The following TMF1 variants were observed in gnomAD, a reference collection of about 807,000 sequenced individuals.
The protein encoded by TMF1 is TATA element modulatory factor.
A neutral mutation model predicts 126.5 loss-of-function variants in TMF1; 71 were observed. The ratio of observed to expected loss-of-function variants is 0.56; its 90% confidence interval spans 0.46 to 0.68. TMF1 has a LOEUF of 0.68. Ranked by LOEUF, TMF1 falls within the 30% of genes least tolerant of loss-of-function variation. The probability of loss-of-function intolerance (pLI) is 0.00; values close to 1 mark genes in which losing one functional copy is unlikely to be tolerated. For synonymous variants in TMF1, 461 were observed against 430.5 expected (o/e 1.07, Z -0.88); for missense variants, 1,259 against 1,253.2 (o/e 1.00, Z -0.07).
At chr3:69,041,760 A>C (rs2091866239) in intron 5 of TMF1, among the ~76,000 whole-genome samples, 1 of 152,146 alleles carries the variant, frequency 6.6e-6, no homozygotes, top group Non-Finnish European at 1.5e-5. Flanking sequence ...ACTAGAAAAA[A>C]TTAATAGTTC....
chr3:69,031,399 T>C (rs2091801713), intron 10 of TMF1, among the ~76,000 whole-genome samples: 1 of 151,212 alleles, frequency 6.6e-6, no homozygotes, highest in Non-Finnish European at 1.5e-5. Flanking sequence ...ATATGTGGTA[T>C]AGTTGTTTAG....
intron 5 of TMF1, 74 bp from the exon 6 acceptor site, chr3:69,039,767 T>C (rs1026024043): frequency 7.4e-6 from 11 of 1,492,534 alleles, no homozygotes; most frequent in East Asian, 2.3e-5. Context: ...TTTTATCTAA[T>C]AGTAACATAA....
chr3:69,029,044 T>TTA (rs1553679140), intron 11 of TMF1, among the ~76,000 whole-genome samples: 2 of 149,002 alleles, frequency 1.3e-5, no homozygotes, highest in African/African-American at 4.9e-5. Flanking sequence ...CTTTATTTAT[T>TTA]TTTTTTTTTT....
At chr3:69,034,986 C>T in intron 9 of TMF1, 37 bp downstream of exon 9, 2 of 1,533,458 alleles carry the variant, frequency 1.3e-6, no homozygotes, top group Non-Finnish European at 1.8e-6. Flanking sequence ...AAAACACATA[C>T]TTCTTGGATT....
chr3:69,024,292 A>G, intron 15 of TMF1, 112 bp from the exon 16 acceptor site: 1 of 929,180 alleles, frequency 1.1e-6, no homozygotes, highest in Non-Finnish European at 1.5e-6. Flanking sequence ...TTTGAAATAG[A>G]CATGTCAACA....
chr3:69,042,939 C>T (rs1335912445), intron 4 of TMF1, 27 bp from the exon 5 acceptor site: 10 of 1,485,868 alleles, frequency 6.7e-6, no homozygotes, highest in Admixed American at 1.7e-5. Flanking sequence ...CTGTGAATAC[C>T]GTAAAGAATG....
At chr3:69,046,363 G>T (rs2091896089) in intron 2 of TMF1, among the ~76,000 whole-genome samples, 2 of 152,094 alleles carry the variant, frequency 1.3e-5, no homozygotes, top group African/African-American at 4.8e-5. Context: ...TAAATACACT[G>T]AAATTCAAAA....
At chr3:69,045,538 G>T (rs1268170855) in intron 2 of TMF1, among the ~76,000 whole-genome samples, 2 of 152,094 alleles carry the variant, frequency 1.3e-5, no homozygotes, top group East Asian at 3.9e-4. Flanking sequence ...CCAGCACTTT[G>T]GTAGGCTGAG....
Position 69,025,461 on chromosome 3 carries a change from T to C in TMF1, c.3012+99A>G. 2.5e-6 allele frequency: 3 copies of C among 1,210,370 alleles called. 1 individual carries two copies. The South Asian group carries it at 4.7e-5, about 19-fold the overall frequency. The allele number at this position is 1,210,370 out of a possible 1,614,324, so 75.0% of individuals were successfully genotyped here. On this transcript the variant is annotated intron_variant, in intron 15 of 16. Transcript: ENST00000398559. ...CTTCACATGCCACTATGTCATCTTG[T>C]TTCTCAATTTGCTCAGAATTCAGAT...
Position 69,042,540 on chromosome 3 carries a change from G to C in TMF1, c.1684+267C>G, listed in dbSNP as rs1479494962. 7.1e-6 allele frequency: 4 copies of C among 566,694 alleles called. No homozygotes were observed. In the East Asian group the frequency reaches 1.7e-4, roughly 24 times the overall value. 35.1% of individuals were successfully genotyped at this position (566,694 alleles called of 1,614,324 possible). On this transcript the variant is annotated intron_variant, in intron 5 of 16. Transcript: ENST00000398559. ...GACAGGCTCTTAAGACCTGTTTAAA[G>C]TTTTCTTAGGGCAGCACAAATTTCT... is the stretch of plus-strand genomic sequence containing the variant.
At chr3:69,038,136 AT>A (rs2091842842) in intron 8 of TMF1, among the ~76,000 whole-genome samples, 1 of 152,214 alleles carries the variant, frequency 6.6e-6, no homozygotes, top group Admixed American at 6.5e-5. Context: ...CAAAGTATAA[AT>A]AACCCATATG....
At chr3:69,037,926 G>A (rs62254236) in intron 8 of TMF1, among the ~76,000 whole-genome samples, 1 of 152,002 alleles carries the variant, frequency 6.6e-6, no homozygotes, top group Admixed American at 6.5e-5. Flanking sequence ...CAAGGATGTG[G>A]AGAAACTGAA....
rs369248756 is a variant in TMF1 at position 69,047,415 on chromosome 3, C to A, written c.1290G>T (p.Gln430His). The change falls in exon 2 of 17, where the codon CAG (glutamine) becomes CAT (histidine). Residue 430 changes from glutamine to histidine, a missense_variant. Physicochemically the swap from Gln to His is conservative, Grantham distance 24. Transcript: ENST00000398559. ...GQTVLDKVAE[Q>H]CEPAESQPEA... The stretch of plus-strand genomic sequence containing the variant: ...CTGGCTGACTTTCAGCAGGTTCACA[C>A]TGCTCAGCCACCTTGTCTAACACAG... 2 of 1,613,728 alleles carry A rather than the reference C, an allele frequency of 1.2e-6. No individual in the cohort carries two copies. The highest frequency in any genetic ancestry group is 1.7e-6 in the Non-Finnish European group (2 of 1,179,778).
rs1260259847 is a variant in TMF1 at position 69,048,203 on chromosome 3, T to A, written c.502A>T (p.Thr168Ser). ...CVSGETLAAG[T>S]SSPKTEGKHE... ...TTGCCTTCAGTTTTAGGTGATGAAGTACCTGCTGCCAGAGTTTCCCCTGAA... is the reference window on the plus strand; with the variant it reads ...TTGCCTTCAGTTTTAGGTGATGAAGAACCTGCTGCCAGAGTTTCCCCTGAA... The change falls in exon 2 of 17, where the codon ACT (threonine) becomes TCT (serine). Residue 168 changes from threonine (T) to serine (S), a missense_variant. Transcript: ENST00000398559. The A allele has an allele frequency of 6.2e-7, 1 of 1,614,114 alleles. No homozygotes were observed. Among genetic ancestry groups the A allele is most frequent in the Non-Finnish European group, 8.5e-7 (1 of 1,180,036 alleles).
Position 69,048,513 on chromosome 3 carries a change from C to T in TMF1, c.192G>A (p.Leu64=), listed in dbSNP as rs2091909185. The change falls in exon 2 of 17, where the codon TTG becomes TTA. Residue 64 remains leucine (L), a synonymous_variant. Coordinates refer to ENST00000398559, the MANE Select transcript of TMF1 (RefSeq NM_007114.3). Reference sequence around the variant, plus strand: ...GACTCTGAGGTTCAGTGTTTGATTTCAACCCCCAGGTTGAAGTATCCCATC... The same window carrying T: ...GACTCTGAGGTTCAGTGTTTGATTTTAACCCCCAGGTTGAAGTATCCCATC... ...SGGWDTSTWG[L]KSNTEPQSPP... is the part of the protein sequence containing the mutation. 6.2e-7 allele frequency: 1 copy of T among 1,613,552 alleles called. No individual in the cohort carries two copies. Among genetic ancestry groups the T allele is most frequent in the African/African-American group, 1.3e-5 (1 of 74,880 alleles).
intron 8 of TMF1, among the ~76,000 whole-genome samples, chr3:69,037,362 G>C (rs528160839): frequency 6.6e-6 from 1 of 152,120 alleles, no homozygotes; most frequent in South Asian, 2.1e-4. Flanking sequence ...CAGGGTGGCC[G>C]GGCATGGTGG....
Position 69,025,706 on chromosome 3 carries a change from A to T in TMF1, c.2866T>A (p.Ser956Thr), listed in dbSNP as rs1341595672. The change falls in exon 15 of 17, where the codon TCT (serine) becomes ACT (threonine). Residue 956 changes from serine to threonine, a missense_variant. By Grantham distance (58) the Ser-to-Thr change is moderately conservative. Transcript: ENST00000398559. ...LQTSFLSQDE[S>T]HDHSFGPMPI... ...ATTGGTCCAAATGAGTGATCATGAG[A>T]CTCATCCTATGTTAATTAAGAAAGT... The T allele has an allele frequency of 1.2e-6, 2 of 1,612,610 alleles. No individual in the cohort carries two copies. The highest frequency in any genetic ancestry group is 2.2e-5 in the South Asian group (2 of 90,694).
chr3:69,037,484 A>G (rs1028069554), intron 8 of TMF1, among the ~76,000 whole-genome samples: 1 of 152,180 alleles, frequency 6.6e-6, no homozygotes, highest in Non-Finnish European at 1.5e-5. Flanking sequence ...TACTAAAAAA[A>G]AACAAAAATT....
At chr3:69,046,227 C>G (rs533507459) in intron 2 of TMF1, among the ~76,000 whole-genome samples, 38 of 152,196 alleles carry the variant, frequency 2.5e-4, no homozygotes, top group African/African-American at 8.9e-4. Context: ...ATGTCTAATT[C>G]CTTAGGTCCT....
Sources: gnomAD v4.1 joint callset for allele counts (sites outside exome capture counted in the v4.1 genomes callset) on GRCh38, gnomAD v4.1.1 for gene constraint, MANE v1.5 for transcripts, NCBI Gene and HGNC (gene_info 2026-07-23, HGNC 2026-07-21) for gene names.